The following MEI1 variants were observed in gnomAD, a reference collection of about 807,000 sequenced individuals.
MEI1 encodes the protein meiotic double-stranded break formation protein 1, also known as meiosis inhibitor protein 1.
A neutral mutation model predicts 146.2 loss-of-function variants in MEI1; 103 were observed. The observed-to-expected ratio is 0.70, with a 90% CI of 0.60 to 0.83. The LOEUF is 0.83. Ranked by LOEUF, MEI1 falls within the 40% of genes least tolerant of loss-of-function variation. The pLI, the probability that MEI1 is intolerant of heterozygous loss-of-function variation, is 0.00. For missense variants in MEI1, 1,529 were observed against 1,533.0 expected, an observed-to-expected ratio of 1.00 and a Z score of 0.04; for synonymous variants, 652 against 628.2, an observed-to-expected ratio of 1.04 and a Z score of -0.57.
At chr22:41,786,349 G>A (rs2148197938) in intron 26 of MEI1, among the ~76,000 whole-genome samples, 1 of 152,294 alleles carries the variant, frequency 6.6e-6, no homozygotes, top group Non-Finnish European at 1.5e-5. Context: ...CCCTGCCTGG[G>A]TGAGACTTTT....
rs140034498 is a variant in MEI1 at position 41,763,415 on chromosome 22, C to T, written c.2268+94C>T. ...ATGATGATGATAGTGTATAGACAAG[C>T]GGGTGGTAGAGAGAGACAAAGCGGA... On this transcript the variant is annotated intron_variant, in intron 19 of 30. Coordinates refer to ENST00000401548, the MANE Select transcript of MEI1 (RefSeq NM_152513.4). The T allele has an allele frequency of 2.6e-4, 373 of 1,418,972 alleles. 3 individuals carry two copies. The African/African-American group carries it at 4.4e-3, about 17-fold the overall frequency. The allele number at this position is 1,418,972 out of a possible 1,614,324, so 87.9% of individuals were successfully genotyped here.
At chr22:41,761,367 T>C (rs1246711935) in intron 18 of MEI1, among the ~76,000 whole-genome samples, 1 of 146,538 alleles carries the variant, frequency 6.8e-6, no homozygotes, top group Non-Finnish European at 1.5e-5. Flanking sequence ...CAGGCTGGAG[T>C]GCAGTGGCCC....
intron 4 of MEI1, among the ~76,000 whole-genome samples, chr22:41,715,321 T>G (rs2070011210): frequency 1.3e-5 from 2 of 152,112 alleles, no homozygotes; most frequent in Non-Finnish European, 2.9e-5. Flanking sequence ...TGACTCTCCC[T>G]GTAAAGCATG....
intron 5 of MEI1, among the ~76,000 whole-genome samples, chr22:41,717,170 TTAATAA>T (rs981976543): frequency 3.3e-4 from 50 of 151,954 alleles, no homozygotes; most frequent in African/African-American, 1.1e-3. Flanking sequence ...TTTAAAAAAA[TTAATAA>T]TAATAATAAT....
chr22:41,737,460 C>G (rs779184392), intron 11 of MEI1, among the ~76,000 whole-genome samples: 5 of 152,002 alleles, frequency 3.3e-5, no homozygotes, highest in Non-Finnish European at 5.9e-5. Context: ...AGGATGATCT[C>G]GATCTCCTGA....
intron 19 of MEI1, among the ~76,000 whole-genome samples, chr22:41,768,381 C>T (rs973899059): frequency 8.9e-6 from 1 of 112,940 alleles, no homozygotes. Context: ...ATAGTGAGAC[C>T]CTGTCTCCCA....
chr22:41,742,812 T>C (rs2072990405), intron 11 of MEI1, among the ~76,000 whole-genome samples: 1 of 152,130 alleles, frequency 6.6e-6, no homozygotes, highest in African/African-American at 2.4e-5. Flanking sequence ...GCCACCACAC[T>C]TGGCTAATTT....
At chr22:41,746,574 G>A (rs2073303776) in intron 14 of MEI1, among the ~76,000 whole-genome samples, 1 of 152,178 alleles carries the variant, frequency 6.6e-6, no homozygotes, top group African/African-American at 2.4e-5. Flanking sequence ...ATCCTGAAGA[G>A]CTTCATTTTG....
rs374402462 is a variant in MEI1, at chr22:41,763,278, A to G, written c.2225A>G (p.Tyr742Cys). 1.5e-5 allele frequency: 25 copies of G among 1,613,958 alleles called. No homozygotes were observed. The East Asian group carries it at 4.9e-4, about 32-fold the overall frequency. Residue 742 changes from tyrosine (Y) to cysteine (C), a missense_variant, in exon 19 of 31, where the codon TAT becomes TGT. Coordinates refer to ENST00000401548, the MANE Select transcript of MEI1 (RefSeq NM_152513.4). ...PPLVVFKASI[Y>C]LLAICQDKDN... ...CTGGTGGTCTTCAAAGCCTCCATCTATCTGCTTGCAATCTGCCAGGACAAA... is the reference window on the plus strand; with the variant it reads ...CTGGTGGTCTTCAAAGCCTCCATCTGTCTGCTTGCAATCTGCCAGGACAAA...
At chr22:41,726,053 G>A (rs976224405) in intron 7 of MEI1, among the ~76,000 whole-genome samples, 3 of 152,190 alleles carry the variant, frequency 2.0e-5, no homozygotes, top group Non-Finnish European at 2.9e-5. Context: ...ACCGGGACGG[G>A]TGGATCACGA....
At chr22:41,780,581 CTTT>C (rs1245310767) in intron 22 of MEI1, among the ~76,000 whole-genome samples, 3 of 134,282 alleles carry the variant, frequency 2.2e-5, no homozygotes, top group Non-Finnish European at 1.6e-5. Flanking sequence ...TTTTTCTTTT[CTTT>C]TTTTTTTTTT....
chr22:41,743,879 A>AT (rs879553619), intron 12 of MEI1, among the ~76,000 whole-genome samples: 2,665 of 144,998 alleles, frequency 0.018, 79 homozygotes, highest in African/African-American at 0.062. Flanking sequence ...CACTGCTACC[A>AT]TTTTTTTTTT....
intron 3 of MEI1, among the ~76,000 whole-genome samples, chr22:41,708,433 A>G (rs1198543772): frequency 6.6e-6 from 1 of 150,426 alleles, no homozygotes; most frequent in African/African-American, 2.5e-5. Flanking sequence ...GCCAAACTGT[A>G]TCCAGCTTTA....
Position 41,699,710 on chromosome 22 carries a change from T to C in MEI1, c.172T>C (p.Ser58Pro). 6.4e-7 allele frequency: 1 copy of C among 1,567,874 alleles called. No homozygotes were observed. Among genetic ancestry groups the C allele is most frequent in the Non-Finnish European group, 8.6e-7 (1 of 1,157,912 alleles). Residue 58 changes from serine to proline, a missense_variant and splice_region_variant, in exon 1 of 31, where the codon TCG becomes CCG. Ser to Pro is a moderately conservative substitution (Grantham distance 74, BLOSUM62 -1). Around this residue, in one of 3 missense-constraint regions of MEI1, gnomAD observed 1,212 missense variants for 1,178.9 expected, o/e 1.03. Coordinates refer to ENST00000401548, the MANE Select transcript of MEI1 (RefSeq NM_152513.4). ...GGAGCTGCTGCCGGACCCCGGCGTG[T>C]CGGTGCGGGCGGAACCTTTTCTTCA... ...ALELLPDPGV[S>P]LVRKKHMLSC...
intron 1 of MEI1, among the ~76,000 whole-genome samples, chr22:41,701,333 A>G (rs1378206294): frequency 6.6e-6 from 1 of 152,104 alleles, no homozygotes; most frequent in Non-Finnish European, 1.5e-5. Flanking sequence ...TGGGAGAATA[A>G]GAATGAGAAA....
intron 11 of MEI1, among the ~76,000 whole-genome samples, chr22:41,736,205 C>T (rs2072346672): frequency 2.0e-5 from 3 of 151,814 alleles, no homozygotes; most frequent in Middle Eastern, 3.4e-3. Context: ...GTATAATCTC[C>T]CTCTGCCTTT....
rs926934656 is a variant in MEI1 at position 41,766,218 on chromosome 22, A to G, written c.2268+2897A>G. ...AGACAGAGTTTTGCTCTGTCGCCCAAGCTGGAGTGCAGTGGCGCGATCTCT... is the reference window on the plus strand; with the variant it reads ...AGACAGAGTTTTGCTCTGTCGCCCAGGCTGGAGTGCAGTGGCGCGATCTCT... On this transcript the variant is annotated intron_variant, in intron 19 of 30. Coordinates refer to ENST00000401548, the MANE Select transcript of MEI1 (RefSeq NM_152513.4). 4.7e-5 allele frequency among the ~76,000 whole-genome samples: 7 copies of G among 148,676 alleles called. No individual in the cohort carries two copies. The South Asian group carries it at 8.6e-4, about 18-fold the overall frequency.
chr22:41,796,226 C>T (rs1327390955), intron 30 of MEI1, among the ~76,000 whole-genome samples: 4 of 152,078 alleles, frequency 2.6e-5, no homozygotes, highest in Non-Finnish European at 4.4e-5. Flanking sequence ...CTTGCTCCGT[C>T]GCCCAGGCTG....
chr22:41,761,759 C>G (rs2074510830), intron 18 of MEI1, among the ~76,000 whole-genome samples: 1 of 152,152 alleles, frequency 6.6e-6, no homozygotes, highest in Non-Finnish European at 1.5e-5. Flanking sequence ...AGAACATTTC[C>G]ATCACTGCAA....
Sources: gnomAD v4.1 joint callset for allele counts (sites outside exome capture counted in the v4.1 genomes callset) on GRCh38, gnomAD v4.1.1 for gene constraint, gnomAD v4.1.1 regional missense constraint, MANE v1.5 for transcripts, NCBI Gene and HGNC (gene_info 2026-07-23, HGNC 2026-07-21) for gene names.